The following ZNF324B variants were observed in gnomAD, a reference collection of about 807,000 sequenced individuals.
ZNF324B encodes zinc finger protein 324B.
A neutral mutation model predicts 10.6 loss-of-function variants in ZNF324B; 7 were observed. The ratio of observed to expected loss-of-function variants is 0.66; its 90% CI spans 0.38 to 1.24. The LOEUF is 1.24. Among genes scored for constraint, ZNF324B ranks in the 50% most tolerant of loss-of-function variants. The probability of loss-of-function intolerance (pLI) is 0.02; values close to 1 mark genes in which losing one functional copy is unlikely to be tolerated. For missense variants in ZNF324B, 640 were observed against 764.7 expected (o/e 0.84, Z 1.92); for synonymous variants, 316 against 321.0 (o/e 0.98, Z 0.17).
the ZNF324B span, chr19:58,445,300 C>T: frequency 1.8e-5 from 8 of 447,000 alleles, no homozygotes; most frequent in Non-Finnish European, 3.0e-5. Context: ...CAGCAATTTA[C>T]AGCATTGTGA....
chr19:58,437,101 T>C, the ZNF324B span: 5 of 1,614,146 alleles, frequency 3.1e-6, no homozygotes, highest in Non-Finnish European at 4.2e-6. Context: ...TACAGGTGCC[T>C]CTGGGCTGCA....
chr19:58,426,489 G>A, the ZNF324B span, among the ~76,000 whole-genome samples: 1 of 152,150 alleles, frequency 6.6e-6, no homozygotes, highest in South Asian at 2.1e-4. Flanking sequence ...GCCCCAGATC[G>A]CACAATTTAT....
At chr19:58,437,124 C>G in the ZNF324B span, 1 of 1,614,054 alleles carries the variant, frequency 6.2e-7, no homozygotes, top group African/African-American at 1.3e-5. Context: ...AAGGAGCTCC[C>G]ACTCCTCTTG....
the ZNF324B span, chr19:58,434,747 G>T: frequency 6.2e-7 from 1 of 1,614,212 alleles, no homozygotes; most frequent in Non-Finnish European, 8.5e-7. Context: ...AAGAGTTTCT[G>T]TGTGGTACAG....
the ZNF324B span, chr19:58,434,953 T>C: frequency 6.2e-7 from 1 of 1,614,230 alleles, no homozygotes. Context: ...CCCTCCACTG[T>C]GCTCCTTCTG....
chr19:58,435,992 A>G, the ZNF324B span, among the ~76,000 whole-genome samples: 16 of 152,258 alleles, frequency 1.1e-4, no homozygotes, highest in Non-Finnish European at 2.4e-4. Context: ...GTCTTTCTAT[A>G]CACTGGAATA....
the ZNF324B span, chr19:58,437,725 C>T: frequency 1.0e-6 from 1 of 985,432 alleles, no homozygotes; most frequent in Non-Finnish European, 1.2e-6. Context: ...ACATGGCATA[C>T]CTGACAGATG....
At chr19:58,433,550 AT>A in the ZNF324B span, 1 of 1,614,210 alleles carries the variant, frequency 6.2e-7, no homozygotes. Context: ...GCTCTCCCAC[AT>A]TCACTGCATT....
chr19:58,427,311 C>CTT, the ZNF324B span, among the ~76,000 whole-genome samples: 1 of 76,320 alleles, frequency 1.3e-5, no homozygotes. Context: ...TTCTTTCTTT[C>CTT]TTTCTTTCTT....
the ZNF324B span, among the ~76,000 whole-genome samples, chr19:58,427,407 C>CTTTCT: frequency 6.2e-4 from 19 of 30,808 alleles, no homozygotes; most frequent in South Asian, 2.7e-3. Flanking sequence ...TCTTTCTTTC[C>CTTTCT]TTCCTTCCTT....
chr19:58,454,379 C>T, intron 3 of ZNF324B, 35 bp downstream of exon 3: 1 of 1,380,524 alleles, frequency 7.2e-7, no homozygotes, highest in East Asian at 2.3e-5. Context: ...AACTAAGGAC[C>T]AACCTGTGGC....
Position 58,454,322 on chromosome 19 carries a change from C to G in ZNF324B, c.216C>G (p.Asn72Lys). The G allele has an allele frequency of 6.2e-7, 1 of 1,613,806 alleles. No homozygotes were observed. The highest frequency in any genetic ancestry group is 8.5e-7 in the Non-Finnish European group (1 of 1,179,712). ...PSGKDMTLAR[N>K]TYGRLNSGSW... is the part of the protein sequence containing the mutation. ...GAAAGGACATGACCCTGGCCAGGAA[C>G]ACCTACGGGAGGCTCAACTCTGGTG... The change falls in exon 3 of 4, where the codon AAC becomes AAG. Residue 72 changes from asparagine (N) to lysine (K), a missense_variant. Around this residue, in one of 3 missense-constraint regions of ZNF324B, gnomAD observed 345 missense variants for 387.9 expected, o/e 0.89. Transcript: ENST00000336614.
the ZNF324B span, chr19:58,434,098 T>C: frequency 6.2e-7 from 1 of 1,614,012 alleles, no homozygotes; most frequent in Non-Finnish European, 8.5e-7. Flanking sequence ...AACTTTCTGG[T>C]GCTGAGCAAG....
At chr19:58,435,633 T>C in the ZNF324B span, 11 of 169,040 alleles carry the variant, frequency 6.5e-5, no homozygotes, top group Non-Finnish European at 1.3e-4. Flanking sequence ...GTAGAAAAAC[T>C]GGAGCACTTA....
rs1265065497 is a variant in ZNF324B, at chr19:58,453,577, CG to C, written c.-6-115del. 3 of 1,381,742 alleles carry C rather than the reference CG, an allele frequency of 2.2e-6. No individual in the cohort carries two copies. The East Asian group carries it at 6.9e-5, about 32-fold the overall frequency. The allele number at this position is 1,381,742 out of a possible 1,614,324, so 85.6% of individuals were successfully genotyped here. On this transcript the variant is annotated intron_variant, in intron 1 of 3. Coordinates refer to ENST00000336614, the MANE Select transcript of ZNF324B (RefSeq NM_207395.3). ...GGGAAGTGCCACCTGAAGATAATCT[CG>C]GGGTGGAACCCAAGGAAGGAGGGAC...
At chr19:58,425,472 C>CTT in the ZNF324B span, among the ~76,000 whole-genome samples, 20 of 135,244 alleles carry the variant, frequency 1.5e-4, no homozygotes, top group Admixed American at 2.3e-4. Context: ...TCCTTCTTTC[C>CTT]TTTTTTTTTT....
chr19:58,420,363 G>A, the ZNF324B span, among the ~76,000 whole-genome samples: 2 of 151,686 alleles, frequency 1.3e-5, no homozygotes, highest in African/African-American at 2.4e-5. Context: ...AGGTTGCAGT[G>A]AGCCAAGATC....
chr19:58,427,439 C>CTTCCTTCCT, the ZNF324B span, among the ~76,000 whole-genome samples: 1 of 34,290 alleles, frequency 2.9e-5, no homozygotes, highest in Non-Finnish European at 5.5e-5. Flanking sequence ...TCCTTCCTTC[C>CTTCCTTCCT]TTCCTTTCCT....
At chr19:58,439,641 C>T in the ZNF324B span, 9 of 1,130,000 alleles carry the variant, frequency 8.0e-6, no homozygotes, top group African/African-American at 3.3e-5. Flanking sequence ...CCAGGACCCA[C>T]GTGTGAGGAC....
Sources: gnomAD v4.1 joint callset for allele counts (sites outside exome capture counted in the v4.1 genomes callset) on GRCh38, gnomAD v4.1.1 for gene constraint, gnomAD v4.1.1 regional missense constraint, MANE v1.5 for transcripts, NCBI Gene and HGNC (gene_info 2026-07-23, HGNC 2026-07-21) for gene names.